Variants in CUL9 observed in about 807,000 individuals in gnomAD.
The protein encoded by CUL9 is cullin 9.
CUL9 carries 79 observed loss-of-function variants against 272.6 expected under a neutral mutation model. The ratio of observed to expected loss-of-function variants is 0.29; its 90% confidence interval spans 0.24 to 0.35. The LOEUF (loss-of-function observed/expected upper bound fraction) is 0.35, where lower values mean the gene tolerates loss of function less well. CUL9 is among the 10% of genes least tolerant of loss of function. The pLI is 1.00. For missense variants in CUL9, 2,532 were observed against 3,255.6 expected (o/e 0.78, Z 5.41); for synonymous variants, 1,186 against 1,286.5 (o/e 0.92, Z 1.67).
chr6:43,203,307 T>C lies in CUL9; in HGVS notation c.3849+103T>C. The stretch of plus-strand genomic sequence containing the variant: ...CCCAGGACCTGTTGAGTCCCAGAGA[T>C]GTGGGGATGTCCTGAGCAGTTCTAG... On this transcript the variant is annotated intron_variant, in intron 18 of 40. Transcript: ENST00000252050. The surrounding 1 kb of genome is among the most constrained non-coding windows in gnomAD (Gnocchi z 5.0). The C allele has an allele frequency of 6.3e-7, 1 of 1,586,988 alleles. No homozygotes were observed. Among genetic ancestry groups the C allele is most frequent in the Middle Eastern group, 1.7e-4 (1 of 6,004 alleles).
Position 43,196,582 on chromosome 6 carries a change from C to T in CUL9, c.2586-63C>T, listed in dbSNP as rs760057038. ...CTAGCTGCCCGGCCTTCTATGCTTG[C>T]TTTGCTGCTTCCATTGCATTCATGG... is the stretch of plus-strand genomic sequence containing the variant. On this transcript the variant is annotated intron_variant, in intron 10 of 40. Transcript: ENST00000252050. 2.8e-6 allele frequency: 4 copies of T among 1,427,844 alleles called. No homozygotes were observed. The African/African-American group carries it at 5.6e-5, about 20-fold the overall frequency. The allele number at this position is 1,427,844 out of a possible 1,614,324, so 88.4% of individuals were successfully genotyped here. A position where few individuals can be genotyped will look rare whatever the true frequency, so the allele number is the denominator to read the frequency against.
intron 26 of CUL9, 192 bp from the exon 27 acceptor site, chr6:43,212,956 AC>A: frequency 1.6e-6 from 1 of 611,748 alleles, no homozygotes. Flanking sequence ...GCTCCTAGAT[AC>A]CCGTGGCTCA....
chr6:43,187,500 AG>A, intron 6 of CUL9, 61 bp downstream of exon 6: 1 of 1,542,002 alleles, frequency 6.5e-7, no homozygotes, highest in South Asian at 1.2e-5. Context: ...GATTCTCTAG[AG>A]GGAGTTTCAG....
intron 5 of CUL9, 48 bp from the exon 6 acceptor site, chr6:43,187,198 G>A (rs1300270502): frequency 1.2e-6 from 2 of 1,606,568 alleles, no homozygotes; most frequent in African/African-American, 1.3e-5. Flanking sequence ...TCCAGAAATA[G>A]ACCCCATTCC....
chr6:43,215,224 G>A lies in CUL9; in HGVS notation c.5834G>A (p.Arg1945Gln), dbSNP rs377066349. ...GGCTACGTGAAACGGCGTGATGACC[G>A]GCCCCAGATCCTGATGTATGCCGCT... ...GQGYVKRRDD[R>Q]PQILMYAAPE... Residue 1945 changes from arginine (R) to glutamine (Q), a missense_variant, in exon 30 of 41, where the codon CGG (arginine) becomes CAG (glutamine). Around this residue, in one of 3 missense-constraint regions of CUL9, gnomAD observed 2,218 missense variants for 2,788.6 expected, o/e 0.80. Coordinates refer to ENST00000252050, the MANE Select transcript of CUL9 (RefSeq NM_015089.4). 4.2e-5 allele frequency: 68 copies of A among 1,614,058 alleles called. No homozygotes were observed. Among genetic ancestry groups the A allele is most frequent in the South Asian group, 2.9e-4 (26 of 91,084 alleles).
chr6:43,194,969 C>T (rs1447890627), intron 9 of CUL9, among the ~76,000 whole-genome samples: 3 of 152,084 alleles, frequency 2.0e-5, no homozygotes, highest in African/African-American at 4.8e-5. Context: ...GCGGGAGAAT[C>T]GCTTGAACCC....
At chr6:43,210,935 T>C (rs1775427705) in intron 26 of CUL9, among the ~76,000 whole-genome samples, 1 of 152,168 alleles carries the variant, frequency 6.6e-6, no homozygotes, top group South Asian at 2.1e-4. Flanking sequence ...TTTTAAAACA[T>C]TTCTTTTTTG....
At chr6:43,222,274 CA>C in intron 35 of CUL9, 41 bp from the exon 36 acceptor site, 1 of 1,562,252 alleles carries the variant, frequency 6.4e-7, no homozygotes, top group Non-Finnish European at 8.8e-7. Context: ...CCCTCCTGTC[CA>C]AACAAAACAC....
chr6:43,213,361 C>A lies in CUL9; in HGVS notation c.5358+67C>A. The A allele has an allele frequency of 6.8e-6, 11 of 1,610,366 alleles. No homozygotes were observed. Among genetic ancestry groups the A allele is most frequent in the Non-Finnish European group, 9.3e-6 (11 of 1,177,278 alleles). ...TATCTGTCGCTGTTCTCCTCCTAAA[C>A]CCTGTTCCTCCTTCATCCTTACTCC... On this transcript the variant is annotated intron_variant, in intron 27 of 40. Coordinates refer to ENST00000252050, the MANE Select transcript of CUL9 (RefSeq NM_015089.4). This position sits in a 1 kb window ranked among gnomAD's most constrained non-coding sequence, Gnocchi z 5.7.
In CUL9 at chr6:43,208,903, C is replaced by T. The variant is rs187968759; in HGVS notation, c.5212+2393C>T. Among the ~76,000 whole-genome samples the T allele has an allele frequency of 3.0e-4, 46 of 151,196 alleles. 1 individual carries two copies. The East Asian group carries it at 8.2e-3, about 27-fold the overall frequency. ...TCATCCAGGCTGGAGTGCAGTGTCA[C>T]GATCTCAGGTGGCTAGCTGCAACCT... On this transcript the variant is annotated intron_variant, in intron 26 of 40. Coordinates refer to ENST00000252050, the MANE Select transcript of CUL9 (RefSeq NM_015089.4).
rs559366756 is a variant in CUL9 at position 43,185,087 on chromosome 6, C to T, written c.595+182C>T. ...GTATATAAAGAGGCTAAAATGATAG[C>T]CTCTGGCTTATCTGTTCATTCTCAG... On this transcript the variant is annotated intron_variant, in intron 2 of 40. Coordinates refer to ENST00000252050, the MANE Select transcript of CUL9 (RefSeq NM_015089.4). 3.9e-4 allele frequency among the ~76,000 whole-genome samples: 60 copies of T among 152,286 alleles called. No individual in the cohort carries two copies. In the South Asian group the frequency reaches 4.8e-3, roughly 12 times the overall value.
Position 43,218,017 on chromosome 6 carries a change from G to T in CUL9, c.6282+1514G>T, listed in dbSNP as rs1255445077. Among the ~76,000 whole-genome samples, 1 of 152,076 alleles carries T rather than the reference G, an allele frequency of 6.6e-6. No individual in the cohort carries two copies. The highest frequency in any genetic ancestry group is 2.4e-5 in the African/African-American group (1 of 41,418). On this transcript the variant is annotated intron_variant, in intron 31 of 40. Coordinates refer to ENST00000252050, the MANE Select transcript of CUL9 (RefSeq NM_015089.4). This position sits in a 1 kb window ranked among gnomAD's most constrained non-coding sequence, Gnocchi z 4.4. ...CTCAGAGGTGAAGTAATTTGCCAAA[G>T]GTCAGGATTTGAATTTTGGCAGTCT... is the stretch of plus-strand genomic sequence containing the variant.
In CUL9 at chr6:43,214,863, C is replaced by T. The variant is rs187220400; in HGVS notation, c.5689-216C>T. Among the ~76,000 whole-genome samples, 583 of 151,358 alleles carry T rather than the reference C, an allele frequency of 3.9e-3. 1 individual carries two copies. Among genetic ancestry groups the T allele is most frequent in the Middle Eastern group, 7.0e-3 (2 of 286 alleles). On this transcript the variant is annotated intron_variant, in intron 29 of 40. Coordinates refer to ENST00000252050, the MANE Select transcript of CUL9 (RefSeq NM_015089.4). ...ACACAGCTAGTAAGTGGCAGAGCTG[C>T]CAGACACCATGGCTCATGCAGGAGG...
chr6:43,214,655 G>T (rs765531932), intron 29 of CUL9, among the ~76,000 whole-genome samples: 2 of 152,044 alleles, frequency 1.3e-5, no homozygotes, highest in African/African-American at 2.4e-5. Context: ...ACAAAAATTA[G>T]CCAGGCGTGG....
At chr6:43,183,409 C>T (rs1317966966) in intron 1 of CUL9, among the ~76,000 whole-genome samples, 1 of 152,180 alleles carries the variant, frequency 6.6e-6, no homozygotes, top group Non-Finnish European at 1.5e-5. Flanking sequence ...TTGTCATCTC[C>T]ATTCTCTATA....
At position 43,218,434 on chromosome 6, in the gene CUL9, T is replaced by C. The variant is rs1009254891; in HGVS notation, c.6282+1931T>C. Among the ~76,000 whole-genome samples the C allele has an allele frequency of 6.6e-6, 1 of 151,834 alleles. No individual in the cohort carries two copies. The highest frequency in any genetic ancestry group is 1.5e-5 in the Non-Finnish European group (1 of 67,968). On this transcript the variant is annotated intron_variant, in intron 31 of 40. Coordinates refer to ENST00000252050, the MANE Select transcript of CUL9 (RefSeq NM_015089.4). The surrounding 1 kb of genome is among the most constrained non-coding windows in gnomAD (Gnocchi z 4.4). ...GGTTTCACTGTGTTAGCCAGGATGG[T>C]CTCGATCTCCTGACCTCGTGATCCA...
Position 43,188,603 on chromosome 6 carries a change from A to G in CUL9, c.2068A>G (p.Ile690Val). The stretch of plus-strand genomic sequence containing the variant: ...GGCAGCGGTCGTGGCCACTGTGCAG[A>G]TATCCAGCTTGGACACAAACCTGCA... Reference protein sequence around the residue: ...HVAAVVATVQISSLDTNLQLS... With the variant: ...HVAAVVATVQVSSLDTNLQLS... The change falls in exon 8 of 41, where the codon ATA becomes GTA. Residue 690 changes from isoleucine (I) to valine (V), a missense_variant. Transcript: ENST00000252050. The G allele has an allele frequency of 6.2e-7, 1 of 1,614,186 alleles. No homozygotes were observed. Among genetic ancestry groups the G allele is most frequent in the Non-Finnish European group, 8.5e-7 (1 of 1,180,044 alleles).
Position 43,203,747 on chromosome 6 carries a change from T to G in CUL9, c.4026-107T>G, listed in dbSNP as rs1274585694. On this transcript the variant is annotated intron_variant, in intron 19 of 40. Coordinates refer to ENST00000252050, the MANE Select transcript of CUL9 (RefSeq NM_015089.4). This position sits in a 1 kb window ranked among gnomAD's most constrained non-coding sequence, Gnocchi z 5.0. Reference sequence around the variant, plus strand: ...AGAAGTTTGTGTTAATTGGGAAAAGTTGGGTCAGGGACCGAACAGGGGTGA... The same window carrying G: ...AGAAGTTTGTGTTAATTGGGAAAAGGTGGGTCAGGGACCGAACAGGGGTGA... 1 of 1,521,238 alleles carries G rather than the reference T, an allele frequency of 6.6e-7. No homozygotes were observed. Among genetic ancestry groups the G allele is most frequent in the Non-Finnish European group, 8.8e-7 (1 of 1,130,090 alleles). 94.2% of individuals were successfully genotyped at this position (1,521,238 alleles called of 1,614,324 possible).
chr6:43,200,282 C>T lies in CUL9; in HGVS notation c.3384+126C>T, dbSNP rs1450605062. The T allele has an allele frequency of 6.8e-7, 1 of 1,470,650 alleles. No homozygotes were observed. The highest frequency in any genetic ancestry group is 9.3e-7 in the Non-Finnish European group (1 of 1,074,198). 91.1% of individuals were successfully genotyped at this position (1,470,650 alleles called of 1,614,324 possible). The stretch of plus-strand genomic sequence containing the variant: ...TGTAGCAAATCTGGGGCACTTGTTT[C>T]CTAACCTTGACTCCACATGGTTCTG... On this transcript the variant is annotated intron_variant, in intron 14 of 40. Transcript: ENST00000252050. The surrounding 1 kb of genome is among the most constrained non-coding windows in gnomAD (Gnocchi z 4.0).
Sources: allele counts gnomAD v4.1 joint callset (sites outside exome capture counted in the v4.1 genomes callset), GRCh38; gene constraint gnomAD v4.1.1; regional missense constraint gnomAD v4.1.1; non-coding constraint Gnocchi (gnomAD v3.1); transcripts MANE v1.5; gene names NCBI Gene and HGNC (gene_info 2026-07-23, HGNC 2026-07-21).